The following IGSF3 variants were observed in gnomAD, a reference collection of about 807,000 sequenced individuals.
The protein encoded by IGSF3 is glu-Trp-Ile EWI motif-containing protein 3.
In IGSF3, 23 loss-of-function variants were observed where a neutral mutation model predicts 114.4. The ratio of observed to expected loss-of-function variants is 0.20; its 90% confidence interval spans 0.14 to 0.28. IGSF3 has a LOEUF of 0.28. Ranked by LOEUF, IGSF3 falls within the 10% of genes least tolerant of loss-of-function variation. The pLI, the probability that IGSF3 is intolerant of heterozygous loss-of-function variation, is 1.00. For synonymous variants in IGSF3, 571 were observed against 645.2 expected, an observed-to-expected ratio of 0.88 and a Z score of 1.74; for missense variants, 1,172 against 1,591.5, an observed-to-expected ratio of 0.74 and a Z score of 4.48.
intron 2 of IGSF3, among the ~76,000 whole-genome samples, chr1:116,641,363 G>A (rs772161197): frequency 2.6e-5 from 4 of 151,778 alleles, no homozygotes; most frequent in Non-Finnish European, 4.4e-5. Context: ...GGGTATGGTG[G>A]CGTGTACCTG....
rs192694409 is a variant in IGSF3 at position 116,612,696 on chromosome 1, C to T, written c.832+1069G>A. ...ATTTCCCACAAGCCACACTCACTCA[C>T]CAGAACCACCACAGTCCTCACCAGA... On this transcript the variant is annotated intron_variant, in intron 4 of 10. Coordinates refer to ENST00000369486, the MANE Select transcript of IGSF3 (RefSeq NM_001007237.3). This position sits in a 1 kb window ranked among gnomAD's most constrained non-coding sequence, Gnocchi z 4.1. Among the ~76,000 whole-genome samples, 745 of 152,370 alleles carry T rather than the reference C, an allele frequency of 4.9e-3. 4 individuals are homozygous for T. The highest frequency in any genetic ancestry group is 8.5e-3 in the Non-Finnish European group (577 of 68,038).
intron 4 of IGSF3, among the ~76,000 whole-genome samples, chr1:116,609,763 T>G (rs913406228): frequency 6.6e-6 from 1 of 152,030 alleles, no homozygotes. Context: ...TGCCCATTCA[T>G]CCCGTCCTAG....
At chr1:116,631,302 A>G (rs1935821879) in intron 2 of IGSF3, among the ~76,000 whole-genome samples, 1 of 136,880 alleles carries the variant, frequency 7.3e-6, no homozygotes, top group Non-Finnish European at 1.5e-5. Context: ...TGGGCGACAG[A>G]GCCAGACGCT....
chr1:116,622,466 TAA>T (rs3045085), intron 2 of IGSF3, among the ~76,000 whole-genome samples: 1 of 146,682 alleles, frequency 6.8e-6, no homozygotes. Context: ...AAAATTACAT[TAA>T]AAAAAAAAAA....
rs1659670718 is a variant in IGSF3 at position 116,583,157 on chromosome 1, T to C, written c.2848+1488A>G. On this transcript the variant is annotated intron_variant, in intron 9 of 10. Coordinates refer to ENST00000369486, the MANE Select transcript of IGSF3 (RefSeq NM_001007237.3). This position sits in a 1 kb window ranked among gnomAD's most constrained non-coding sequence, Gnocchi z 4.5. Reference sequence around the variant, plus strand: ...AGTTATTGTGAAGACTGAACATAAGTCTCCTAACTGTGGCTGGGATGTAGC... The same window carrying C: ...AGTTATTGTGAAGACTGAACATAAGCCTCCTAACTGTGGCTGGGATGTAGC... Among the ~76,000 whole-genome samples, 1 of 152,104 alleles carries C rather than the reference T, an allele frequency of 6.6e-6. No individual in the cohort carries two copies. The highest frequency in any genetic ancestry group is 1.5e-5 in the Non-Finnish European group (1 of 68,026).
At position 116,589,108 on chromosome 1, in the gene IGSF3, C is replaced by A. The variant is rs766831980; in HGVS notation, c.2030-4G>T. 8 of 1,609,854 alleles carry A rather than the reference C, an allele frequency of 5.0e-6. No homozygotes were observed. The highest frequency in any genetic ancestry group is 1.1e-5 in the South Asian group (1 of 90,404). On this transcript the variant is annotated splice_region_variant and splice_polypyrimidine_tract_variant and intron_variant, in intron 7 of 10. Transcript: ENST00000369486. The surrounding 1 kb of genome is among the most constrained non-coding windows in gnomAD (Gnocchi z 5.7). Reference sequence around the variant, plus strand: ...TTGCTCACCTGCAGCTTTGTCACTGCAAAGGAAAGGGGAACACAGGAATCA... The same window carrying A: ...TTGCTCACCTGCAGCTTTGTCACTGAAAAGGAAAGGGGAACACAGGAATCA...
chr1:116,636,082 A>C lies in IGSF3; in HGVS notation c.44-19625T>G, dbSNP rs978401838. Among the ~76,000 whole-genome samples the C allele has an allele frequency of 6.6e-6, 1 of 152,070 alleles. No individual in the cohort carries two copies. Among genetic ancestry groups the C allele is most frequent in the African/African-American group, 2.4e-5 (1 of 41,410 alleles). On this transcript the variant is annotated intron_variant, in intron 2 of 10. Transcript: ENST00000369486. This position sits in a 1 kb window ranked among gnomAD's most constrained non-coding sequence, Gnocchi z 4.5. ...ACTCGCCAGAACAACTGTCTTCCTC[A>C]CAGGTGCCAGCCATCACCCCGACCA...
intron 6 of IGSF3, among the ~76,000 whole-genome samples, chr1:116,601,474 GAAGATTAAATA>G (rs780596273): frequency 5.1e-4 from 78 of 152,072 alleles, no homozygotes; most frequent in Non-Finnish European, 9.6e-4. Flanking sequence ...GAGTCTCTGT[GAAGATTAAATA>G]AATCAGTGTT....
At position 116,607,130 on chromosome 1, in the gene IGSF3, C is replaced by T. The variant is rs1660821137; in HGVS notation, c.1222+812G>A. ...GTTAAAGGTTAGTCTTAAAACTTTA[C>T]CACTTGTTTAAAATCAGAGCATTAT... is the stretch of plus-strand genomic sequence containing the variant. On this transcript the variant is annotated intron_variant, in intron 5 of 10. Coordinates refer to ENST00000369486, the MANE Select transcript of IGSF3 (RefSeq NM_001007237.3). This position sits in a 1 kb window ranked among gnomAD's most constrained non-coding sequence, Gnocchi z 6.1. Among the ~76,000 whole-genome samples, 1 of 152,176 alleles carries T rather than the reference C, an allele frequency of 6.6e-6. No individual in the cohort carries two copies. The highest frequency in any genetic ancestry group is 1.5e-5 in the Non-Finnish European group (1 of 68,032).
chr1:116,626,864 C>G (rs1470968934), intron 2 of IGSF3, among the ~76,000 whole-genome samples: 2 of 152,136 alleles, frequency 1.3e-5, no homozygotes, highest in Non-Finnish European at 2.9e-5. Flanking sequence ...AGAAAGGCAG[C>G]GAGGGAGCCC....
chr1:116,591,767 C>T (rs1660121739), intron 7 of IGSF3, among the ~76,000 whole-genome samples: 1 of 152,158 alleles, frequency 6.6e-6, no homozygotes, highest in Admixed American at 6.5e-5. Flanking sequence ...CTCCCATGTC[C>T]TGCCAGAGCC....
intron 1 of IGSF3, 78 bp from the exon 2 acceptor site, chr1:116,667,034 G>T: frequency 2.5e-6 from 1 of 394,694 alleles, no homozygotes; most frequent in Non-Finnish European, 4.5e-6. Context: ...AGCTGGTCCG[G>T]ACACCTGGGT....
intron 9 of IGSF3, among the ~76,000 whole-genome samples, chr1:116,580,386 T>G (rs1208580375): frequency 6.6e-6 from 1 of 152,226 alleles, no homozygotes; most frequent in Non-Finnish European, 1.5e-5. Context: ...TGCTATGAAC[T>G]GAATTGGTCC....
chr1:116,613,674 G>T (rs1454274747), intron 4 of IGSF3, 91 bp downstream of exon 4: 17 of 1,215,234 alleles, frequency 1.4e-5, no homozygotes, highest in Non-Finnish European at 2.0e-5. Flanking sequence ...CCTGGTAGAG[G>T]TGCCCAAAGA....
rs1236829404 is a variant in IGSF3 at position 116,589,641 on chromosome 1, T to C, written c.2030-537A>G. Among the ~76,000 whole-genome samples, 2 of 152,090 alleles carry C rather than the reference T, an allele frequency of 1.3e-5. No homozygotes were observed. Among genetic ancestry groups the C allele is most frequent in the Admixed American group, 1.3e-4 (2 of 15,272 alleles). On this transcript the variant is annotated intron_variant, in intron 7 of 10. Transcript: ENST00000369486. This position sits in a 1 kb window ranked among gnomAD's most constrained non-coding sequence, Gnocchi z 5.7. ...TGTCTCCTTCTGCCACCTCCCACCC[T>C]GACCCTTCTCTCCACTTATCCCTCA...
chr1:116,587,947 G>C (rs1659923504), intron 8 of IGSF3, among the ~76,000 whole-genome samples: 3 of 152,208 alleles, frequency 2.0e-5, no homozygotes, highest in African/African-American at 7.2e-5. Context: ...GAAAGGACTA[G>C]AGATCTTTAA....
chr1:116,623,457 A>C (rs1661479730), intron 2 of IGSF3, among the ~76,000 whole-genome samples: 1 of 152,066 alleles, frequency 6.6e-6, no homozygotes, highest in Non-Finnish European at 1.5e-5. Context: ...AGGCCAAGGC[A>C]GATGGATCAC....
Position 116,644,674 on chromosome 1 carries a change from G to A in IGSF3, c.43+21610C>T, listed in dbSNP as rs547143663. On this transcript the variant is annotated intron_variant, in intron 2 of 10. Coordinates refer to ENST00000369486, the MANE Select transcript of IGSF3 (RefSeq NM_001007237.3). The surrounding 1 kb of genome is among the most constrained non-coding windows in gnomAD (Gnocchi z 5.6). ...GAGAGGATGGGCAGCAAAGGAGGGTGTGTGTGGCGATCAGCCATCAGAGGA... is the reference window on the plus strand; with the variant it reads ...GAGAGGATGGGCAGCAAAGGAGGGTATGTGTGGCGATCAGCCATCAGAGGA... Among the ~76,000 whole-genome samples the A allele has an allele frequency of 6.6e-6, 1 of 152,322 alleles. No homozygotes were observed. The highest frequency in any genetic ancestry group is 6.5e-5 in the Admixed American group (1 of 15,306).
rs1302109785 is a variant in IGSF3 at position 116,576,442 on chromosome 1, C to CT, written c.*869dup. 1 of 152,722 alleles carries CT rather than the reference C, an allele frequency of 6.5e-6. No homozygotes were observed. Among genetic ancestry groups the CT allele is most frequent in the African/African-American group, 2.4e-5 (1 of 41,468 alleles). 9.5% of individuals were successfully genotyped at this position (152,722 alleles called of 1,614,324 possible). A position where few individuals can be genotyped will look rare whatever the true frequency, so the allele number is the denominator to read the frequency against. ...TCTCCCTTCCTTCTCTAGTCACTGG[C>CT]TTTGACAAATCTGCAGGTCAGCAGC... On this transcript the variant is annotated 3_prime_UTR_variant, in exon 11 of 11. Coordinates refer to ENST00000369486, the MANE Select transcript of IGSF3 (RefSeq NM_001007237.3). This position sits in a 1 kb window ranked among gnomAD's most constrained non-coding sequence, Gnocchi z 4.6.
Sources: allele counts gnomAD v4.1 joint callset (sites outside exome capture counted in the v4.1 genomes callset), GRCh38; gene constraint gnomAD v4.1.1; non-coding constraint Gnocchi (gnomAD v3.1); transcripts MANE v1.5; gene names NCBI Gene and HGNC (gene_info 2026-07-23, HGNC 2026-07-21).